KCNIP1: variants seen among roughly 807,000 people sequenced by gnomAD.
The protein encoded by KCNIP1 is potassium voltage-gated channel interacting protein 1.
In KCNIP1, 18 loss-of-function variants were observed where a neutral mutation model predicts 33.0. That is an observed-to-expected ratio of 0.55 (90% CI 0.38 to 0.81). KCNIP1 has a LOEUF of 0.81. KCNIP1 is among the 30% of genes least tolerant of loss of function. The pLI is 0.00. For synonymous variants in KCNIP1, 93 were observed against 98.3 expected (o/e 0.95, Z 0.32); for missense variants, 238 against 271.6 (o/e 0.88, Z 0.87).
At chr5:170,435,572 G>A (rs139041863) in intron 1 of KCNIP1, among the ~76,000 whole-genome samples, 1 of 152,326 alleles carries the variant, frequency 6.6e-6, no homozygotes, top group East Asian at 1.9e-4. Flanking sequence ...TCTCCCAGGA[G>A]GAGAAGGCAT....
chr5:170,615,416 A>G (rs147405837), intron 1 of KCNIP1, among the ~76,000 whole-genome samples: 121 of 152,308 alleles, frequency 7.9e-4, no homozygotes, highest in African/African-American at 2.7e-3. Flanking sequence ...GCCTGTGATA[A>G]CATTTTAATG....
At chr5:170,659,239 A>G (rs1235437866) in intron 1 of KCNIP1, among the ~76,000 whole-genome samples, 1 of 152,096 alleles carries the variant, frequency 6.6e-6, no homozygotes, top group Non-Finnish European at 1.5e-5. Context: ...ACTTCACAGC[A>G]TCATTTTGCT....
At chr5:170,477,308 T>C (rs1007802018) in intron 1 of KCNIP1, among the ~76,000 whole-genome samples, 1 of 150,834 alleles carries the variant, frequency 6.6e-6, no homozygotes, top group Non-Finnish European at 1.5e-5. Context: ...TATATATATA[T>C]ACACATATAT....
intron 1 of KCNIP1, among the ~76,000 whole-genome samples, chr5:170,598,963 G>A (rs1049918721): frequency 1.3e-5 from 2 of 151,248 alleles, no homozygotes; most frequent in Non-Finnish European, 2.9e-5. Context: ...GGGAGGGGAG[G>A]CAGAAGAGGA....
chr5:170,452,101 G>A (rs1260176530), intron 1 of KCNIP1, among the ~76,000 whole-genome samples: 1 of 152,162 alleles, frequency 6.6e-6, no homozygotes, highest in East Asian at 1.9e-4. Context: ...GACCCAGAGG[G>A]AAACGTGGTT....
intron 1 of KCNIP1, among the ~76,000 whole-genome samples, chr5:170,358,550 C>T (rs897554679): frequency 2.0e-5 from 3 of 152,196 alleles, no homozygotes; most frequent in Non-Finnish European, 2.9e-5. Context: ...GTCATTTGAA[C>T]ACCACCCCAA....
intron 1 of KCNIP1, among the ~76,000 whole-genome samples, chr5:170,409,640 ATGACAAGGGGGG>A (rs1442877555): frequency 7.2e-5 from 11 of 152,094 alleles, no homozygotes; most frequent in Non-Finnish European, 2.9e-5. Context: ...CCAGGCCAAG[ATGACAAGGGGGG>A]CCCAGCCTGT....
At chr5:170,652,378 G>A (rs1255548426) in intron 1 of KCNIP1, among the ~76,000 whole-genome samples, 6 of 151,694 alleles carry the variant, frequency 4.0e-5, no homozygotes, top group East Asian at 1.9e-4. Flanking sequence ...TCAGCTACTC[G>A]GGAGGCTGAG....
Position 170,666,295 on chromosome 5 carries a change from C to T in KCNIP1, c.62-52463C>T, listed in dbSNP as rs1235715797. On this transcript the variant is annotated intron_variant, in intron 1 of 7. Transcript: ENST00000328939. ...CTCTTGCAGTTGGCTCCTATGTCCC[C>T]GTCATTGAGGGGTTTGGGTTTTGTG... Among the ~76,000 whole-genome samples the T allele has an allele frequency of 2.6e-5, 4 of 152,152 alleles. No homozygotes were observed. In the East Asian group the frequency reaches 5.8e-4, roughly 22 times the overall value.
At chr5:170,469,537 T>TGA (rs1756677726) in intron 1 of KCNIP1, among the ~76,000 whole-genome samples, 2 of 152,158 alleles carry the variant, frequency 1.3e-5, no homozygotes, top group Non-Finnish European at 2.9e-5. Flanking sequence ...TGCCCAAACT[T>TGA]CTCTCAAGAG....
At chr5:170,379,079 G>C (rs140150557) in intron 1 of KCNIP1, 39 of 1,354,320 alleles carry the variant, frequency 2.9e-5, no homozygotes, top group Non-Finnish European at 3.9e-5. Context: ...CGGGCCCCTG[G>C]ATTGGAGTCG....
chr5:170,570,988 C>T (rs79383542), intron 1 of KCNIP1, among the ~76,000 whole-genome samples: 5,803 of 152,292 alleles, frequency 0.038, 147 homozygotes, highest in Non-Finnish European at 0.05. Flanking sequence ...TAAGTAGTGT[C>T]CCAAAGCCAA....
intron 1 of KCNIP1, among the ~76,000 whole-genome samples, chr5:170,403,986 G>C (rs1754972109): frequency 6.6e-6 from 1 of 152,192 alleles, no homozygotes; most frequent in Admixed American, 6.5e-5. Context: ...AAGAAGCAGA[G>C]TGGGGCTGAG....
chr5:170,689,608 C>A (rs995399304), intron 1 of KCNIP1, among the ~76,000 whole-genome samples: 6 of 152,150 alleles, frequency 3.9e-5, no homozygotes, highest in African/African-American at 1.2e-4. Flanking sequence ...AAGAAGGCAG[C>A]ATTTTAAATG....
chr5:170,446,622 G>C (rs1756122772), intron 1 of KCNIP1, among the ~76,000 whole-genome samples: 1 of 152,086 alleles, frequency 6.6e-6, no homozygotes, highest in Non-Finnish European at 1.5e-5. Context: ...AGTATGCCCA[G>C]CTATTTTTAT....
chr5:170,667,426 T>C (rs1324437046), intron 1 of KCNIP1, among the ~76,000 whole-genome samples: 1 of 152,224 alleles, frequency 6.6e-6, no homozygotes, highest in Non-Finnish European at 1.5e-5. Context: ...GGCAGGCCCC[T>C]GGGAGGGATG....
chr5:170,620,069 A>G (rs1200483908), intron 1 of KCNIP1, among the ~76,000 whole-genome samples: 1 of 152,250 alleles, frequency 6.6e-6, no homozygotes, highest in Non-Finnish European at 1.5e-5. Context: ...CCGTTGACTC[A>G]TCTCAAAAAT....
At chr5:170,540,351 G>GA (rs1200006604) in intron 1 of KCNIP1, among the ~76,000 whole-genome samples, 1 of 152,206 alleles carries the variant, frequency 6.6e-6, no homozygotes, top group Non-Finnish European at 1.5e-5. Flanking sequence ...AAGGTATGTT[G>GA]AGGCACAGTA....
chr5:170,537,482 C>G (rs888741151), intron 1 of KCNIP1, among the ~76,000 whole-genome samples: 1 of 152,194 alleles, frequency 6.6e-6, no homozygotes, highest in Non-Finnish European at 1.5e-5. Flanking sequence ...GTAAATGCCT[C>G]CTCACCCCCT....
Sources: allele counts gnomAD v4.1 joint callset (sites outside exome capture counted in the v4.1 genomes callset), GRCh38; gene constraint gnomAD v4.1.1; transcripts MANE v1.5; gene names NCBI Gene and HGNC (gene_info 2026-07-23, HGNC 2026-07-21).